The following DNAH14 variants were observed in gnomAD, a reference collection of about 807,000 sequenced individuals.
DNAH14 encodes dynein axonemal heavy chain 14.
A neutral mutation model predicts 520.9 loss-of-function variants in DNAH14; 478 were observed. The observed-to-expected ratio is 0.92, with a 90% CI of 0.85 to 0.99. The LOEUF (loss-of-function observed/expected upper bound fraction) is 0.99, where lower values mean the gene tolerates loss of function less well. Ranked by LOEUF, DNAH14 falls within the 50% of genes least tolerant of loss-of-function variation. The probability of loss-of-function intolerance (pLI) is 0.00; values close to 1 mark genes in which losing one functional copy is unlikely to be tolerated. For missense variants in DNAH14, 4,831 were observed against 5,234.5 expected (o/e 0.92, Z 2.38); for synonymous variants, 1,581 against 1,757.2 (o/e 0.90, Z 2.51).
chr1:225,003,664 A>G (rs1156335858), intron 9 of DNAH14, among the ~76,000 whole-genome samples: 1 of 152,082 alleles, frequency 6.6e-6, no homozygotes, highest in Non-Finnish European at 1.5e-5. Flanking sequence ...ATAGTCTTTG[A>G]GTGAATAAAA....
chr1:225,357,812 T>A (rs1319059659), intron 73 of DNAH14: 1 of 702,154 alleles, frequency 1.4e-6, no homozygotes, highest in South Asian at 1.5e-5. Context: ...AATGATGGAG[T>A]CCCAGATGTT....
At chr1:225,094,786 G>A (rs1573022609) in intron 21 of DNAH14, among the ~76,000 whole-genome samples, 1 of 118,284 alleles carries the variant, frequency 8.5e-6, no homozygotes, top group Admixed American at 9.6e-5. Context: ...ATAATATCCA[G>A]AATCTATAAG....
intron 73 of DNAH14, among the ~76,000 whole-genome samples, chr1:225,355,867 T>C (rs2095423545): frequency 1.3e-5 from 2 of 152,176 alleles, no homozygotes; most frequent in South Asian, 2.1e-4. Flanking sequence ...TCATCTTAAA[T>C]AGAAATTCTG....
chr1:224,985,277 C>A (rs1325815841), intron 8 of DNAH14, among the ~76,000 whole-genome samples: 1 of 152,176 alleles, frequency 6.6e-6, no homozygotes, highest in Non-Finnish European at 1.5e-5. Context: ...TGGAATACTA[C>A]TCAGCCATAA....
intron 66 of DNAH14, among the ~76,000 whole-genome samples, chr1:225,335,954 TAC>T (rs1202678599): frequency 4.9e-5 from 7 of 144,252 alleles, no homozygotes; most frequent in Non-Finnish European, 7.6e-5. Context: ...TATGTATATA[TAC>T]ACATATACAT....
intron 66 of DNAH14, among the ~76,000 whole-genome samples, chr1:225,335,861 ATG>A (rs1187909420): frequency 1.2e-4 from 10 of 82,284 alleles, no homozygotes; most frequent in African/African-American, 4.8e-4. Context: ...ATGTACATAT[ATG>A]TACATACACA....
chr1:225,200,556 C>T (rs760746826), intron 38 of DNAH14, among the ~76,000 whole-genome samples: 5 of 152,028 alleles, frequency 3.3e-5, no homozygotes, highest in East Asian at 1.9e-4. Flanking sequence ...ATTCTCTCAG[C>T]GTTTGTTTGT....
At chr1:225,117,443 T>C (rs935571171) in intron 23 of DNAH14, among the ~76,000 whole-genome samples, 1 of 151,210 alleles carries the variant, frequency 6.6e-6, no homozygotes, top group Admixed American at 6.6e-5. Flanking sequence ...TGTCTAAGGG[T>C]GGGGTTTTCT....
At chr1:225,311,773 C>T (rs1056417939) in intron 60 of DNAH14, among the ~76,000 whole-genome samples, 6 of 152,146 alleles carry the variant, frequency 3.9e-5, no homozygotes, top group African/African-American at 1.4e-4. Context: ...AGGGTTATTT[C>T]TGAGGCCTCT....
chr1:225,344,938 C>A (rs905931942), intron 69 of DNAH14, among the ~76,000 whole-genome samples: 9 of 152,104 alleles, frequency 5.9e-5, no homozygotes, highest in African/African-American at 2.2e-4. Flanking sequence ...TGGTCTCGAT[C>A]TCTTGACCTC....
chr1:225,336,444 A>G (rs1317100365), intron 66 of DNAH14, among the ~76,000 whole-genome samples: 1 of 151,896 alleles, frequency 6.6e-6, no homozygotes, highest in African/African-American at 2.4e-5. Flanking sequence ...TTTGTACCTA[A>G]TAACATGATC....
intron 1 of DNAH14, among the ~76,000 whole-genome samples, chr1:224,942,092 C>T (rs1362527682): frequency 6.6e-6 from 1 of 152,056 alleles, no homozygotes; most frequent in Non-Finnish European, 1.5e-5. Flanking sequence ...TATAAATTAC[C>T]TTGGGCAGTA....
chr1:224,979,973 T>A (rs943610404), intron 8 of DNAH14, among the ~76,000 whole-genome samples: 5 of 152,156 alleles, frequency 3.3e-5, no homozygotes, highest in African/African-American at 1.2e-4. Context: ...CCTTGGGCCC[T>A]GAATGACCAC....
At chr1:225,176,615 G>T (rs576442489) in intron 36 of DNAH14, among the ~76,000 whole-genome samples, 5 of 150,552 alleles carry the variant, frequency 3.3e-5, no homozygotes, top group African/African-American at 1.2e-4. Context: ...CGTGTTGTGG[G>T]AGGTAATTGA....
chr1:225,373,172 G>GGAAAAAA (rs529045656), intron 77 of DNAH14, among the ~76,000 whole-genome samples: 7 of 135,774 alleles, frequency 5.2e-5, no homozygotes, highest in Non-Finnish European at 7.8e-5. Context: ...AGCATTTGTG[G>GGAAAAAA]AAAAAAAAAA....
In DNAH14 at chr1:225,038,801, A is replaced by G; in HGVS notation, c.1466A>G (p.Lys489Arg). The G allele has an allele frequency of 6.6e-7, 1 of 1,505,640 alleles. No homozygotes were observed. Among genetic ancestry groups the G allele is most frequent in the Non-Finnish European group, 8.9e-7 (1 of 1,129,820 alleles). The allele number at this position is 1,505,640 out of a possible 1,614,324, so 93.3% of individuals were successfully genotyped here. Residue 489 changes from lysine to arginine, a missense_variant, in exon 12 of 86, where the codon AAA becomes AGA. Lys to Arg is a conservative substitution (Grantham distance 26, BLOSUM62 2). Transcript: ENST00000682510. ...ATTTCTGTTCAAAAGTCAGAAGTAA[A>G]AACAGACACTGATATTAATGAGGTA... ...HAISVQKSEV[K>R]TDTDINEILN...
intron 20 of DNAH14, among the ~76,000 whole-genome samples, chr1:225,085,254 C>T (rs1414619877): frequency 2.6e-5 from 4 of 151,618 alleles, no homozygotes; most frequent in African/African-American, 9.7e-5. Flanking sequence ...GAAATAATAC[C>T]ATCTACACAT....
intron 17 of DNAH14, among the ~76,000 whole-genome samples, chr1:225,056,931 T>C (rs2069180826): frequency 6.6e-6 from 1 of 152,204 alleles, no homozygotes; most frequent in South Asian, 2.1e-4. Context: ...TCGGTTACTG[T>C]AGCCTTGTAG....
chr1:224,962,491 A>G (rs2060905631), intron 4 of DNAH14, among the ~76,000 whole-genome samples: 1 of 152,176 alleles, frequency 6.6e-6, no homozygotes, highest in African/African-American at 2.4e-5. Flanking sequence ...AACTGTACCC[A>G]GCCAACTACC....
Sources: allele counts gnomAD v4.1 joint callset (sites outside exome capture counted in the v4.1 genomes callset), GRCh38; gene constraint gnomAD v4.1.1; transcripts MANE v1.5; gene names NCBI Gene and HGNC (gene_info 2026-07-23, HGNC 2026-07-21).